Variants in PPP4R3A observed in about 807,000 individuals in gnomAD.
PPP4R3A encodes protein phosphatase 4 regulatory subunit 3A.
Under a neutral mutation model 91.7 loss-of-function variants are expected in PPP4R3A, and 15 were observed. The observed-to-expected ratio is 0.16, with a 90% CI of 0.11 to 0.25. The LOEUF (loss-of-function observed/expected upper bound fraction) is 0.25, where lower values mean the gene tolerates loss of function less well. PPP4R3A is among the 10% of genes least tolerant of loss of function. PPP4R3A has a pLI of 1.00. For synonymous variants in PPP4R3A, 377 were observed against 348.7 expected (o/e 1.08, Z -0.91); for missense variants, 623 against 998.4 (o/e 0.62, Z 5.07).
In PPP4R3A at chr14:91,495,410, G is replaced by A. The variant is rs183349186; in HGVS notation, c.143-4608C>T. ...GCTCACTGCAGCCTCTGCCTCCTGG[G>A]TTCAAGCAATTCTCCTGCCTCAGCC... is the stretch of plus-strand genomic sequence containing the variant. On this transcript the variant is annotated intron_variant, in intron 1 of 14. Transcript: ENST00000554943. Among the ~76,000 whole-genome samples the A allele has an allele frequency of 1.2e-3, 181 of 151,684 alleles. 1 individual carries two copies. Among genetic ancestry groups the A allele is most frequent in the African/African-American group, 4.3e-3 (176 of 41,364 alleles).
intron 1 of PPP4R3A, among the ~76,000 whole-genome samples, chr14:91,498,076 T>C (rs1276861014): frequency 6.6e-6 from 1 of 152,190 alleles, no homozygotes; most frequent in Non-Finnish European, 1.5e-5. Flanking sequence ...GGCTCATGCC[T>C]GTAATCACAG....
chr14:91,490,716 T>C (rs1348329058), intron 2 of PPP4R3A, 31 bp downstream of exon 2: 2 of 1,573,516 alleles, frequency 1.3e-6, no homozygotes, highest in South Asian at 2.3e-5. Flanking sequence ...AAGGAAAATA[T>C]GCAAGATAAA....
intron 11 of PPP4R3A, among the ~76,000 whole-genome samples, chr14:91,463,582 C>T (rs576661161): frequency 4.2e-4 from 64 of 151,948 alleles, no homozygotes; most frequent in African/African-American, 1.5e-3. Flanking sequence ...TATCGGCATG[C>T]ACCACCATAC....
chr14:91,462,948 CAATT>C lies in PPP4R3A; in HGVS notation c.1831-75_1831-72del, dbSNP rs1888249701. The C allele has an allele frequency of 9.5e-6, 11 of 1,160,210 alleles. No individual in the cohort carries two copies. The South Asian group carries it at 1.4e-4, about 15-fold the overall frequency. The allele number at this position is 1,160,210 out of a possible 1,614,324, so 71.9% of individuals were successfully genotyped here. A position where few individuals can be genotyped will look rare whatever the true frequency, so the allele number is the denominator to read the frequency against. On this transcript the variant is annotated intron_variant, in intron 11 of 14. Transcript: ENST00000554943. ...TTAGCAAGATGAGGCTTAATTTAAT[CAATT>C]CATACCCACCAAAAATAGCTTAATT...
At position 91,498,109 on chromosome 14, in the gene PPP4R3A, C is replaced by T. The variant is rs75788506; in HGVS notation, c.143-7307G>A. On this transcript the variant is annotated intron_variant, in intron 1 of 14. Transcript: ENST00000554943. ...CAGCACTTCAGGAGGCCAAGGTAGG[C>T]GAATCACTTGATGTCAGGAATTCGA... is the stretch of plus-strand genomic sequence containing the variant. Among the ~76,000 whole-genome samples the T allele has an allele frequency of 2.2e-3, 330 of 152,182 alleles. 7 individuals carry two copies. In the East Asian group the frequency reaches 0.053, roughly 24 times the overall value.
rs1225211591 is a variant in PPP4R3A, at chr14:91,461,244, G to C, written c.2391+137C>G. On this transcript the variant is annotated intron_variant, in intron 14 of 14. Transcript: ENST00000554943. ...CAACCTTTATATAAGTTCAAGCGGT[G>C]GGGGGGACTCATCCTCTAGTTCAGG... 3 of 746,802 alleles carry C rather than the reference G, an allele frequency of 4.0e-6. No homozygotes were observed. The Admixed American group carries it at 8.5e-5, about 21-fold the overall frequency. 46.3% of individuals were successfully genotyped at this position (746,802 alleles called of 1,614,324 possible).
At chr14:91,509,422 C>G (rs1891632947) in intron 1 of PPP4R3A, 84 bp downstream of exon 1, 1 of 1,517,212 alleles carries the variant, frequency 6.6e-7, no homozygotes, top group Non-Finnish European at 8.8e-7. Context: ...TCTCGTGGAG[C>G]GAGCGCCATG....
At position 91,474,931 on chromosome 14, in the gene PPP4R3A, AC is replaced by A. The variant is rs1246745232; in HGVS notation, c.1266+879del. ...CTGCACTATAAAAATAAAAACTTAAACATAGCAGTTACATGGCATTCCATTT... is the reference window on the plus strand; with the variant it reads ...CTGCACTATAAAAATAAAAACTTAAAATAGCAGTTACATGGCATTCCATTT... On this transcript the variant is annotated intron_variant, in intron 7 of 14. Coordinates refer to ENST00000554943, the MANE Select transcript of PPP4R3A (RefSeq NM_001366432.2). 6 of 152,362 alleles carry A rather than the reference AC, an allele frequency of 3.9e-5. No individual in the cohort carries two copies. The South Asian group carries it at 1.2e-3, about 32-fold the overall frequency. 9.4% of individuals were successfully genotyped at this position (152,362 alleles called of 1,614,324 possible). A position where few individuals can be genotyped will look rare whatever the true frequency, so the allele number is the denominator to read the frequency against.
intron 14 of PPP4R3A, among the ~76,000 whole-genome samples, chr14:91,460,637 C>CTTTTTTTTT (rs573677740): frequency 7.2e-5 from 8 of 111,278 alleles, no homozygotes; most frequent in Admixed American, 1.1e-4. Context: ...GATTTTGTTC[C>CTTTTTTTTT]TTTTTTTTTT....
At chr14:91,464,627 A>T (rs995551242) in intron 11 of PPP4R3A, among the ~76,000 whole-genome samples, 4 of 152,184 alleles carry the variant, frequency 2.6e-5, no homozygotes, top group African/African-American at 9.7e-5. Context: ...AAATTTGCAC[A>T]GCATCAATGA....
At chr14:91,503,425 C>G (rs1891082649) in intron 1 of PPP4R3A, among the ~76,000 whole-genome samples, 1 of 152,164 alleles carries the variant, frequency 6.6e-6, no homozygotes. Flanking sequence ...GCCGGGACTA[C>G]AGGTGTTTAA....
intron 1 of PPP4R3A, among the ~76,000 whole-genome samples, chr14:91,505,444 T>TTA (rs768013189): frequency 0.026 from 1,043 of 39,634 alleles, 7 homozygotes; most frequent in African/African-American, 0.059. Context: ...AGATTCTGCC[T>TTA]AAAAAAAAAA....
chr14:91,458,600 C>CCATTGA lies in PPP4R3A; in HGVS notation c.*153_*158dup, dbSNP rs1286360789. 4 of 1,013,090 alleles carry CCATTGA rather than the reference C, an allele frequency of 3.9e-6. No individual in the cohort carries two copies. Among genetic ancestry groups the CCATTGA allele is most frequent in the Non-Finnish European group, 6.3e-6 (4 of 638,612 alleles). 62.8% of individuals were successfully genotyped at this position (1,013,090 alleles called of 1,614,324 possible). ...ATATATGATATCCCCTCCTCCTGCT[C>CCATTGA]CATTGAATTGGCACTTGATGAGCAG... On this transcript the variant is annotated 3_prime_UTR_variant, in exon 15 of 15. Transcript: ENST00000554943.
chr14:91,478,688 A>G (rs1226292659), intron 4 of PPP4R3A, among the ~76,000 whole-genome samples: 2 of 152,226 alleles, frequency 1.3e-5, no homozygotes, highest in Non-Finnish European at 2.9e-5. Flanking sequence ...ACAGAACCAT[A>G]TGGAGCTAAA....
intron 3 of PPP4R3A, among the ~76,000 whole-genome samples, chr14:91,482,603 AG>A (rs1407573688): frequency 6.6e-6 from 1 of 152,218 alleles, no homozygotes; most frequent in Non-Finnish European, 1.5e-5. Context: ...ACTGTGCTAA[AG>A]GACACTGCCA....
intron 6 of PPP4R3A, among the ~76,000 whole-genome samples, chr14:91,476,174 T>C (rs1183353164): frequency 1.3e-5 from 2 of 152,222 alleles, no homozygotes; most frequent in Non-Finnish European, 2.9e-5. Context: ...ACATTTCAGC[T>C]AATAAGCTGC....
intron 10 of PPP4R3A, chr14:91,466,486 G>T: frequency 1.0e-6 from 1 of 958,942 alleles, no homozygotes; most frequent in Non-Finnish European, 1.2e-6. Flanking sequence ...GTCCACAAGT[G>T]AATGCCCAAT....
chr14:91,464,564 C>CAT (rs2140072042), intron 11 of PPP4R3A, among the ~76,000 whole-genome samples: 1 of 152,182 alleles, frequency 6.6e-6, no homozygotes, highest in South Asian at 2.1e-4. Flanking sequence ...AGCTGGGCAA[C>CAT]ATAGCAAAAC....
At position 91,461,315 on chromosome 14, in the gene PPP4R3A, T is replaced by G; in HGVS notation, c.2391+66A>C. 3 of 1,455,026 alleles carry G rather than the reference T, an allele frequency of 2.1e-6. No homozygotes were observed. In the South Asian group the frequency reaches 3.6e-5, roughly 17 times the overall value. The allele number at this position is 1,455,026 out of a possible 1,614,324, so 90.1% of individuals were successfully genotyped here. The stretch of plus-strand genomic sequence containing the variant: ...TGGCAGTAACCAAAGGGAATCTTAG[T>G]CAAAATTATTGTTGAGAAAGCTTCA... On this transcript the variant is annotated intron_variant, in intron 14 of 14. Coordinates refer to ENST00000554943, the MANE Select transcript of PPP4R3A (RefSeq NM_001366432.2).
Sources: allele counts gnomAD v4.1 joint callset (sites outside exome capture counted in the v4.1 genomes callset), GRCh38; gene constraint gnomAD v4.1.1; transcripts MANE v1.5; gene names NCBI Gene and HGNC (gene_info 2026-07-23, HGNC 2026-07-21).